The following ITGB6 variants were observed in gnomAD, a reference collection of about 807,000 sequenced individuals.
ITGB6 encodes the protein integrin beta-6.
A neutral mutation model predicts 84.5 loss-of-function variants in ITGB6; 80 were observed. That is an observed-to-expected ratio of 0.95 (90% CI 0.79 to 1.14). The LOEUF is 1.14. Among genes scored for constraint, ITGB6 ranks in the 50% most tolerant of loss-of-function variants. The pLI, the probability that ITGB6 is intolerant of heterozygous loss-of-function variation, is 0.00. For missense variants in ITGB6, 1,006 were observed against 968.0 expected, an observed-to-expected ratio of 1.04 and a Z score of -0.52; for synonymous variants, 383 against 354.9, an observed-to-expected ratio of 1.08 and a Z score of -0.89.
chr2:160,101,650 T>C lies in ITGB6; in HGVS notation c.*86A>G. On this transcript the variant is annotated 3_prime_UTR_variant, in exon 15 of 15. Coordinates refer to ENST00000283249, the MANE Select transcript of ITGB6 (RefSeq NM_000888.5). ...CTATTATTATCTTAAACCAACCTCA[T>C]TTTGAAGCAACAAAGAGAAAAAAAT... The C allele has an allele frequency of 1.3e-6, 1 of 796,508 alleles. No homozygotes were observed. The allele number at this position is 796,508 out of a possible 1,614,324, so 49.3% of individuals were successfully genotyped here. A position where few individuals can be genotyped will look rare whatever the true frequency, so the allele number is the denominator to read the frequency against.
At chr2:160,153,576 A>G (rs916276436) in intron 7 of ITGB6, among the ~76,000 whole-genome samples, 10 of 152,246 alleles carry the variant, frequency 6.6e-5, no homozygotes, top group Admixed American at 5.9e-4. Context: ...ACAAAAGCCA[A>G]AACTGACAAA....
Position 160,198,086 on chromosome 2 carries a change from T to C in ITGB6, c.141+1093A>G, listed in dbSNP as rs938208105. 2.0e-5 allele frequency among the ~76,000 whole-genome samples: 3 copies of C among 152,234 alleles called. 1 individual carries two copies. Among genetic ancestry groups the C allele is most frequent in the Admixed American group, 1.3e-4 (2 of 15,282 alleles). ...AAATGAAAATTCTAGGCTGATTTGT[T>C]GTTGTATCTCTCTGGCATGAAACTA... On this transcript the variant is annotated intron_variant, in intron 2 of 14. Transcript: ENST00000283249.
chr2:160,200,161 G>A lies in ITGB6; in HGVS notation c.-98C>T, dbSNP rs983083010. The A allele has an allele frequency of 5.2e-6, 5 of 957,632 alleles. No homozygotes were observed. The highest frequency in any genetic ancestry group is 4.1e-5 in the Admixed American group (2 of 48,626). The allele number at this position is 957,632 out of a possible 1,614,324, so 59.3% of individuals were successfully genotyped here. Reference sequence around the variant, plus strand: ...ATCGTTAAAGTCTTTCTTTCTTGAAGTATAACATTTTAAATACTACTTACA... The same window carrying A: ...ATCGTTAAAGTCTTTCTTTCTTGAAATATAACATTTTAAATACTACTTACA... On this transcript the variant is annotated 5_prime_UTR_variant, in exon 1 of 15. Coordinates refer to ENST00000283249, the MANE Select transcript of ITGB6 (RefSeq NM_000888.5).
intron 12 of ITGB6, among the ~76,000 whole-genome samples, chr2:160,117,795 A>G (rs1682851795): frequency 1.3e-5 from 2 of 152,218 alleles, no homozygotes; most frequent in Non-Finnish European, 2.9e-5. Context: ...AAAAGAGAGA[A>G]GAATCAGATA....
chr2:160,111,852 T>C (rs1359812103), intron 13 of ITGB6, among the ~76,000 whole-genome samples: 1 of 152,104 alleles, frequency 6.6e-6, no homozygotes, highest in East Asian at 1.9e-4. Context: ...AGTGCTGGGA[T>C]TACAGGTGTG....
chr2:160,146,894 G>C (rs1445242216), intron 7 of ITGB6, among the ~76,000 whole-genome samples: 1 of 151,776 alleles, frequency 6.6e-6, no homozygotes, highest in Non-Finnish European at 1.5e-5. Flanking sequence ...CAAGTCCAGG[G>C]GTTCGAGACC....
chr2:160,199,905 G>C (rs775246095), intron 1 of ITGB6, 98 bp downstream of exon 1: 4 of 935,450 alleles, frequency 4.3e-6, no homozygotes, highest in African/African-American at 1.6e-5. Context: ...CAATGGAACA[G>C]ATCAAATAAA....
chr2:160,169,542 G>T (rs1431203626), intron 6 of ITGB6, among the ~76,000 whole-genome samples: 1 of 152,154 alleles, frequency 6.6e-6, no homozygotes, highest in Non-Finnish European at 1.5e-5. Context: ...TCCTGTTGAT[G>T]TGGTGTATCA....
intron 7 of ITGB6, among the ~76,000 whole-genome samples, chr2:160,149,473 G>A (rs1006315414): frequency 6.6e-6 from 1 of 152,162 alleles, no homozygotes; most frequent in Non-Finnish European, 1.5e-5. Flanking sequence ...AAGACCAAAG[G>A]TAGATTAAAT....
chr2:160,155,890 C>T (rs920985338), intron 7 of ITGB6, among the ~76,000 whole-genome samples: 1 of 152,194 alleles, frequency 6.6e-6, no homozygotes, highest in African/African-American at 2.4e-5. Context: ...TGCCACTGTG[C>T]ACTCACTTCA....
At chr2:160,151,905 TG>T (rs1684436920) in intron 7 of ITGB6, among the ~76,000 whole-genome samples, 1 of 152,132 alleles carries the variant, frequency 6.6e-6, no homozygotes, top group Non-Finnish European at 1.5e-5. Flanking sequence ...AGGAAGAAGT[TG>T]AATCTCTGAA....
chr2:160,122,050 T>C (rs550398652), intron 12 of ITGB6, among the ~76,000 whole-genome samples: 9 of 152,122 alleles, frequency 5.9e-5, no homozygotes, highest in Non-Finnish European at 1.3e-4. Context: ...ATAAAGCTTA[T>C]AAAAAGGCTC....
intron 4 of ITGB6, among the ~76,000 whole-genome samples, chr2:160,181,825 C>T (rs1355501343): frequency 6.6e-6 from 1 of 152,178 alleles, no homozygotes; most frequent in Non-Finnish European, 1.5e-5. Flanking sequence ...CTGTAGCCTC[C>T]GCTGGTGATA....
intron 4 of ITGB6, among the ~76,000 whole-genome samples, chr2:160,193,898 T>G (rs1314006414): frequency 6.6e-6 from 1 of 152,214 alleles, no homozygotes. Context: ...GGCTCACGCA[T>G]GTAATCCCAG....
intron 4 of ITGB6, among the ~76,000 whole-genome samples, chr2:160,188,491 G>A (rs1344170965): frequency 6.6e-6 from 1 of 152,032 alleles, no homozygotes; most frequent in African/African-American, 2.4e-5. Context: ...CCCCTGCAGT[G>A]CTCTGGTCTC....
intron 7 of ITGB6, among the ~76,000 whole-genome samples, chr2:160,152,249 C>G (rs1684452967): frequency 6.6e-6 from 1 of 152,156 alleles, no homozygotes; most frequent in Admixed American, 6.5e-5. Context: ...GCTTATCCAC[C>G]ATGATCAAGT....
intron 13 of ITGB6, among the ~76,000 whole-genome samples, chr2:160,108,580 C>T (rs557455350): frequency 1.3e-5 from 2 of 152,228 alleles, no homozygotes; most frequent in Admixed American, 6.5e-5. Flanking sequence ...GTTCCCTTAC[C>T]TTTTCTGATG....
intron 7 of ITGB6, among the ~76,000 whole-genome samples, chr2:160,149,149 T>A (rs1487831723): frequency 2.6e-5 from 4 of 152,254 alleles, no homozygotes; most frequent in Non-Finnish European, 5.9e-5. Flanking sequence ...CCTCCTCAAG[T>A]GGGTCCCTGA....
intron 12 of ITGB6, among the ~76,000 whole-genome samples, chr2:160,114,058 A>G (rs949877049): frequency 1.2e-4 from 18 of 151,996 alleles, no homozygotes; most frequent in Admixed American, 7.9e-4. Flanking sequence ...AGTAATATTA[A>G]CCATGTTTTT....
Sources: allele counts gnomAD v4.1 joint callset (sites outside exome capture counted in the v4.1 genomes callset), GRCh38; gene constraint gnomAD v4.1.1; transcripts MANE v1.5; gene names NCBI Gene and HGNC (gene_info 2026-07-23, HGNC 2026-07-21).